The following TBPL1 variants were observed in gnomAD, a reference collection of about 807,000 sequenced individuals.
The protein encoded by TBPL1 is TATA-box binding protein like 1.
TBPL1 carries 4 observed loss-of-function variants against 22.1 expected under a neutral mutation model. That is an observed-to-expected ratio of 0.18 (90% CI 0.09 to 0.41). The LOEUF is 0.41. Among genes scored for constraint, TBPL1 ranks in the 10% least tolerant of loss-of-function variants. The pLI, the probability that TBPL1 is intolerant of heterozygous loss-of-function variation, is 1.00. For missense variants in TBPL1, 115 were observed against 222.3 expected (o/e 0.52, Z 3.07); for synonymous variants, 64 against 71.0 (o/e 0.90, Z 0.50).
chr6:133,969,685 ACT>A (rs1776184939), intron 1 of TBPL1, among the ~76,000 whole-genome samples: 1 of 152,084 alleles, frequency 6.6e-6, no homozygotes, highest in South Asian at 2.1e-4. Context: ...CTGTGGACTG[ACT>A]CCTAAAATGT....
intron 2 of TBPL1, among the ~76,000 whole-genome samples, chr6:133,980,962 A>ATTTTTTTTT (rs10713725): frequency 4.1e-5 from 4 of 97,118 alleles, no homozygotes; most frequent in African/African-American, 8.2e-5. Flanking sequence ...TAATTAATTA[A>ATTTTTTTTT]TTTTTTTTTT....
At chr6:133,979,894 A>G (rs1582581496) in intron 1 of TBPL1, among the ~76,000 whole-genome samples, 188 bp from the exon 2 acceptor site, 1 of 152,074 alleles carries the variant, frequency 6.6e-6, no homozygotes, top group Admixed American at 6.6e-5. Flanking sequence ...TGATCCAACC[A>G]CCTTGGCCTC....
chr6:133,978,353 G>T (rs1776350702), intron 1 of TBPL1, among the ~76,000 whole-genome samples: 2 of 152,138 alleles, frequency 1.3e-5, no homozygotes, highest in African/African-American at 4.8e-5. Flanking sequence ...CTGCTGTGTG[G>T]TAGGCATGGT....
rs563586962 is a variant in TBPL1, at chr6:133,962,739, C to G, written c.-45+9314C>G. ...AAGGATTTCAGGCAGTGGTTTATAA[C>G]CTTTAGGGATCTTAAACCTATTGGT... On this transcript the variant is annotated intron_variant, in intron 1 of 6. Transcript: ENST00000237264. 2.0e-5 allele frequency among the ~76,000 whole-genome samples: 3 copies of G among 152,230 alleles called. No homozygotes were observed. The South Asian group carries it at 6.2e-4, about 32-fold the overall frequency.
intron 1 of TBPL1, among the ~76,000 whole-genome samples, chr6:133,964,544 G>A (rs571705767): frequency 1.0e-4 from 15 of 150,346 alleles, no homozygotes; most frequent in African/African-American, 3.2e-4. Context: ...TCCGTCTCCC[G>A]GGTTCACGCC....
intron 1 of TBPL1, among the ~76,000 whole-genome samples, chr6:133,979,191 A>T (rs1776366673): frequency 6.6e-6 from 1 of 152,234 alleles, no homozygotes; most frequent in African/African-American, 2.4e-5. Flanking sequence ...ACTTTGCCTT[A>T]ATCATTTTTT....
intron 1 of TBPL1, among the ~76,000 whole-genome samples, chr6:133,979,564 A>T (rs913399330): frequency 6.6e-6 from 1 of 152,196 alleles, no homozygotes; most frequent in Non-Finnish European, 1.5e-5. Flanking sequence ...AAGGAATGAA[A>T]GTTAGGCCTA....
chr6:133,965,566 T>C (rs1776104320), intron 1 of TBPL1, among the ~76,000 whole-genome samples: 1 of 151,964 alleles, frequency 6.6e-6, no homozygotes, highest in Non-Finnish European at 1.5e-5. Flanking sequence ...GATCAACAAC[T>C]ATTTGCTTTG....
intron 1 of TBPL1, among the ~76,000 whole-genome samples, chr6:133,965,921 A>G (rs770194639): frequency 1.3e-5 from 2 of 152,190 alleles, no homozygotes; most frequent in Non-Finnish European, 2.9e-5. Flanking sequence ...TTTTCACAAC[A>G]CTATGATGGG....
intron 1 of TBPL1, among the ~76,000 whole-genome samples, chr6:133,966,876 A>G (rs1583814839): frequency 6.6e-6 from 1 of 152,174 alleles, no homozygotes; most frequent in Non-Finnish European, 1.5e-5. Context: ...TGTGCTACCC[A>G]TTCTTCTCTT....
chr6:133,984,841 ATTT>A (rs1191371958), intron 6 of TBPL1, 170 bp downstream of exon 6: 6 of 578,390 alleles, frequency 1.0e-5, no homozygotes, highest in Non-Finnish European at 1.8e-5. Context: ...CTTTTGTACT[ATTT>A]ATAAATGTTA....
intron 6 of TBPL1, 144 bp downstream of exon 6, chr6:133,984,815 A>C: frequency 1.5e-6 from 1 of 652,328 alleles, no homozygotes; most frequent in Non-Finnish European, 2.6e-6. Flanking sequence ...TTTTAACACT[A>C]GATGCATTTT....
At chr6:133,961,610 G>C (rs1427193350) in intron 1 of TBPL1, among the ~76,000 whole-genome samples, 1 of 151,776 alleles carries the variant, frequency 6.6e-6, no homozygotes, top group African/African-American at 2.4e-5. Flanking sequence ...TGGGATTACA[G>C]GTGCACATCA....
chr6:133,966,596 C>A (rs1048292665), intron 1 of TBPL1, among the ~76,000 whole-genome samples: 1 of 152,166 alleles, frequency 6.6e-6, no homozygotes, highest in Non-Finnish European at 1.5e-5. Context: ...TCCTTCAGTT[C>A]AAAATGTCCA....
At chr6:133,978,821 G>C (rs1185339068) in intron 1 of TBPL1, among the ~76,000 whole-genome samples, 1 of 152,098 alleles carries the variant, frequency 6.6e-6, no homozygotes, top group African/African-American at 2.4e-5. Flanking sequence ...CCCCTTCACT[G>C]TTTTAGTTAT....
At chr6:133,963,551 G>A (rs1776059662) in intron 1 of TBPL1, among the ~76,000 whole-genome samples, 1 of 152,122 alleles carries the variant, frequency 6.6e-6, no homozygotes, top group African/African-American at 2.4e-5. Flanking sequence ...CTCCTGAGTA[G>A]CTGGGCCTAT....
chr6:133,984,337 T>G, intron 4 of TBPL1, 39 bp from the exon 5 acceptor site: 1 of 1,505,074 alleles, frequency 6.6e-7, no homozygotes, highest in Non-Finnish European at 9.1e-7. Context: ...GTTTGTTTGT[T>G]TCAAAATAAA....
intron 1 of TBPL1, among the ~76,000 whole-genome samples, chr6:133,976,150 T>C (rs1337448544): frequency 6.6e-6 from 1 of 152,204 alleles, no homozygotes; most frequent in African/African-American, 2.4e-5. Context: ...GTTAACTCTT[T>C]TGCATTCAGT....
intron 1 of TBPL1, among the ~76,000 whole-genome samples, chr6:133,976,364 T>C (rs149385013): frequency 2.6e-5 from 4 of 152,328 alleles, no homozygotes; most frequent in Non-Finnish European, 5.9e-5. Context: ...CATGGGAATA[T>C]ATAGACCTAT....
Sources: gnomAD v4.1 joint callset for allele counts (sites outside exome capture counted in the v4.1 genomes callset) on GRCh38, gnomAD v4.1.1 for gene constraint, MANE v1.5 for transcripts, NCBI Gene and HGNC (gene_info 2026-07-23, HGNC 2026-07-21) for gene names.